Variants in MSN observed in about 807,000 individuals in gnomAD.
The protein encoded by MSN is epididymis luminal protein 70.
Under a neutral mutation model 48.0 loss-of-function variants are expected in MSN, and 2 were observed. The observed-to-expected ratio is 0.04, with a 90% CI of 0.02 to 0.13. MSN has a LOEUF of 0.13. Ranked by LOEUF, MSN falls within the 10% of genes least tolerant of loss-of-function variation. MSN has a pLI of 1.00. For missense variants in MSN, 267 were observed against 470.1 expected (o/e 0.57, Z 3.99); for synonymous variants, 146 against 166.9 (o/e 0.87, Z 0.97).
rs768272796 is a variant in MSN at position 65,623,154 on chromosome X, G to C, written c.-22+34542G>C. On this transcript the variant is annotated intron_variant, in intron 1 of 3. Transcript: ENST00000609672. ...TTTAATATGTGACTAGATTTGCTTT[G>C]TTAGTATTTAGTTGAGGACCTTTGC... is the stretch of plus-strand genomic sequence containing the variant. Among the ~76,000 whole-genome samples the C allele has an allele frequency of 3.6e-5, 4 of 109,690 alleles. No homozygotes were observed. The South Asian group carries it at 1.5e-3, about 41-fold the overall frequency.
At chrX:65,668,666 G>T (rs941577978) in intron 1 of MSN, among the ~76,000 whole-genome samples, 1 of 111,834 alleles carries the variant, frequency 8.9e-6, no homozygotes, top group African/African-American at 3.3e-5. Flanking sequence ...TGGCTGTTAC[G>T]AGAGGAACAG....
At chrX:65,622,324 T>C (rs1332055051) in intron 1 of MSN, among the ~76,000 whole-genome samples, 1 of 109,148 alleles carries the variant, frequency 9.2e-6, no homozygotes, top group African/African-American at 3.3e-5. Flanking sequence ...GGTCTTCAAC[T>C]CCTAGCCTCA....
intron 1 of MSN, among the ~76,000 whole-genome samples, chrX:65,700,623 G>C (rs1240059871): frequency 8.9e-6 from 1 of 111,865 alleles, no homozygotes; most frequent in Non-Finnish European, 1.9e-5. Flanking sequence ...AGGAGAGCCA[G>C]GGATTTATAG....
chrX:65,640,836 C>T (rs2070643765), intron 1 of MSN, among the ~76,000 whole-genome samples: 1 of 111,597 alleles, frequency 9.0e-6, no homozygotes, highest in African/African-American at 3.3e-5. Context: ...GAGCCAGGCG[C>T]AGTGGCTCAC....
Position 65,731,922 on chromosome X carries a change from A to G in MSN, c.636A>G (p.Lys212=), listed in dbSNP as rs1422163394. ...ACTACTTCAGCATCAAGAACAAGAA[A>G]GGCTCAGAGCTGTGGCTGGGGGTGG... ...GVNYFSIKNK[K]GSELWLGVDA... is the part of the protein sequence containing the mutation. The change falls in exon 6 of 13, where the codon AAA becomes AAG. Residue 212 remains lysine, a synonymous_variant. Transcript: ENST00000360270. The G allele has an allele frequency of 8.3e-7, 1 of 1,208,530 alleles. No homozygotes were observed. The highest frequency in any genetic ancestry group is 1.1e-6 in the Non-Finnish European group (1 of 894,915).
intron 1 of MSN, chrX:65,625,017 A>G (rs1569455593): frequency 9.0e-6 from 1 of 110,857 alleles, no homozygotes; most frequent in Non-Finnish European, 1.9e-5. Flanking sequence ...GTATACTCTA[A>G]CCTCCTTTTT....
chrX:65,720,808 C>A (rs2071509304), intron 2 of MSN, among the ~76,000 whole-genome samples: 1 of 112,015 alleles, frequency 8.9e-6, no homozygotes, highest in Non-Finnish European at 1.9e-5. Flanking sequence ...AAATAATAGG[C>A]AACAATGGGA....
At position 65,739,794 on chromosome X, in the gene MSN, T is replaced by C. The variant is rs2071717358; in HGVS notation, c.1635T>C (p.His545=). 1 of 1,211,480 alleles carries C rather than the reference T, an allele frequency of 8.3e-7. No individual in the cohort carries two copies. The highest frequency in any genetic ancestry group is 1.1e-6 in the Non-Finnish European group (1 of 895,327). Residue 545 remains histidine (H), a synonymous_variant, in exon 13 of 13, where the codon CAT becomes CAC. Transcript: ENST00000360270. ...AGAAGACTGCCAATGACATGATCCA[T>C]GCTGAGAACATGCGACTGGGCCGAG... The part of the protein sequence containing the change: ...ESKKTANDMI[H]AENMRLGRDK...
At chrX:65,646,846 C>G (rs919852261) in intron 1 of MSN, among the ~76,000 whole-genome samples, 1 of 111,355 alleles carries the variant, frequency 9.0e-6, no homozygotes, top group Non-Finnish European at 1.9e-5. Flanking sequence ...ACTCGAGAGG[C>G]TGAGGCAGGA....
chrX:65,690,915 C>T (rs1254859328), intron 1 of MSN, among the ~76,000 whole-genome samples: 1 of 111,506 alleles, frequency 9.0e-6, no homozygotes, highest in East Asian at 2.8e-4. Context: ...CACTGTTTTA[C>T]ATGTAGTATC....
rs772632009 is a variant in MSN at position 65,645,739 on chromosome X, T to C, written c.-22+57127T>C. On this transcript the variant is annotated intron_variant, in intron 1 of 3. Coordinates refer to the MSN transcript ENST00000609672. ...GAAGGAGGAAACATTGAGATAAAAC[T>C]GCCCAGCTGCCTCCACCTTGATGGT... 1.2e-3 allele frequency among the ~76,000 whole-genome samples: 136 copies of C among 111,441 alleles called. 1 individual carries two copies. The highest frequency in any genetic ancestry group is 2.8e-3 in the Admixed American group (29 of 10,427).
At chrX:65,678,045 G>T (rs944459292) in intron 1 of MSN, among the ~76,000 whole-genome samples, 6 of 111,048 alleles carry the variant, frequency 5.4e-5, no homozygotes, top group African/African-American at 2.0e-4. Context: ...CTGGTCTTAG[G>T]CCAGTTGCCA....
At chrX:65,692,527 A>T (rs1214626836) in intron 1 of MSN, among the ~76,000 whole-genome samples, 3 of 112,708 alleles carry the variant, frequency 2.7e-5, no homozygotes, top group Non-Finnish European at 5.6e-5. Context: ...ATATTTATCC[A>T]GGTTTGAGGC....
intron 1 of MSN, among the ~76,000 whole-genome samples, chrX:65,658,937 C>T (rs183979489): frequency 0.011 from 1,145 of 108,800 alleles, 5 homozygotes; most frequent in Non-Finnish European, 0.015. Flanking sequence ...CTCCACCTCC[C>T]GGGCTCAAGC....
intron 4 of MSN, among the ~76,000 whole-genome samples, chrX:65,730,111 C>G (rs2071608349): frequency 8.9e-6 from 1 of 112,013 alleles, no homozygotes; most frequent in Non-Finnish European, 1.9e-5. Context: ...ATGGGGAGCT[C>G]AAATAGTCTT....
At chrX:65,620,179 C>T (rs765188044) in intron 1 of MSN, among the ~76,000 whole-genome samples, 31 of 112,710 alleles carry the variant, frequency 2.8e-4, no homozygotes, top group Non-Finnish European at 4.9e-4. Flanking sequence ...GTGCCCTGCC[C>T]CCAGAGGTGG....
At chrX:65,660,378 C>G (rs1205779986) in intron 1 of MSN, among the ~76,000 whole-genome samples, 3 of 111,416 alleles carry the variant, frequency 2.7e-5, no homozygotes. Context: ...GATCTAGGAG[C>G]CTTTGGGCAG....
At chrX:65,618,093 C>G (rs1257450201) in intron 1 of MSN, among the ~76,000 whole-genome samples, 2 of 111,247 alleles carry the variant, frequency 1.8e-5, no homozygotes, top group Non-Finnish European at 1.9e-5. Flanking sequence ...AATTTCTGTT[C>G]TTTTACATTT....
At chrX:65,632,568 T>C (rs768669113) in intron 1 of MSN, among the ~76,000 whole-genome samples, 61 of 112,340 alleles carry the variant, frequency 5.4e-4, no homozygotes, top group Middle Eastern at 4.6e-3. Flanking sequence ...AGTGATTCAG[T>C]TTCTTCACAT....
Sources: gnomAD v4.1 joint callset for allele counts (sites outside exome capture counted in the v4.1 genomes callset) on GRCh38, gnomAD v4.1.1 for gene constraint, MANE v1.5 for transcripts, NCBI Gene and HGNC (gene_info 2026-07-23, HGNC 2026-07-21) for gene names.